The following CLSTN2 variants were observed in gnomAD, a reference collection of about 807,000 sequenced individuals.
CLSTN2 encodes calsyntenin 2.
CLSTN2 carries 48 observed loss-of-function variants against 101.2 expected under a neutral mutation model. The observed-to-expected ratio is 0.47, with a 90% CI of 0.38 to 0.60. The LOEUF (loss-of-function observed/expected upper bound fraction) is 0.60, where lower values mean the gene tolerates loss of function less well. Among genes scored for constraint, CLSTN2 ranks in the 20% least tolerant of loss-of-function variants. The probability of loss-of-function intolerance (pLI) is 0.00; values close to 1 mark genes in which losing one functional copy is unlikely to be tolerated. For missense variants in CLSTN2, 1,160 were observed against 1,238.2 expected (o/e 0.94, Z 0.95); for synonymous variants, 481 against 463.6 (o/e 1.04, Z -0.48).
intron 2 of CLSTN2, among the ~76,000 whole-genome samples, chr3:140,326,951 C>T (rs2087337251): frequency 6.6e-6 from 1 of 152,060 alleles, no homozygotes; most frequent in Non-Finnish European, 1.5e-5. Context: ...AAGATTAATA[C>T]CAACTGTTTG....
At chr3:140,226,015 G>C (rs2086316543) in intron 2 of CLSTN2, among the ~76,000 whole-genome samples, 1 of 152,064 alleles carries the variant, frequency 6.6e-6, no homozygotes. Context: ...AGCTTTCCTA[G>C]GGTGTGAAAA....
intron 1 of CLSTN2, among the ~76,000 whole-genome samples, chr3:140,026,441 G>GA (rs1272831610): frequency 6.6e-6 from 1 of 152,112 alleles, no homozygotes. Flanking sequence ...CAGGAAGCAG[G>GA]AAAAAAACTA....
chr3:139,977,708 G>T (rs2016895), intron 1 of CLSTN2, among the ~76,000 whole-genome samples: 2 of 148,078 alleles, frequency 1.4e-5, no homozygotes, highest in Non-Finnish European at 3.0e-5. Context: ...GCTGGGGAGG[G>T]GGTGGGGGGC....
intron 8 of CLSTN2, among the ~76,000 whole-genome samples, chr3:140,471,402 A>G (rs536892): frequency 0.095 from 14,524 of 152,218 alleles, 1,117 homozygotes; most frequent in East Asian, 0.32. Flanking sequence ...GACAGCCTCA[A>G]TTGACCAGCA....
At chr3:140,045,276 G>T (rs777003782) in intron 1 of CLSTN2, among the ~76,000 whole-genome samples, 2 of 152,234 alleles carry the variant, frequency 1.3e-5, no homozygotes, top group Middle Eastern at 3.4e-3. Context: ...TATGTGTCCA[G>T]GAATTTATCC....
At position 140,404,630 on chromosome 3, in the gene CLSTN2, T is replaced by C. The variant is rs888036462; in HGVS notation, c.501T>C (p.Ala167=). ...CCTTCAAAGAGCCAGCCTACAAGGC[T>C]GTTGTGACGGAGGGCAAGATCTATG... ...APTFKEPAYK[A]VVTEGKIYDS... The change falls in exon 4 of 17, where the codon GCT becomes GCC. Residue 167 remains alanine, a synonymous_variant. Coordinates refer to ENST00000458420, the MANE Select transcript of CLSTN2 (RefSeq NM_022131.3). 3 of 1,614,220 alleles carry C rather than the reference T, an allele frequency of 1.9e-6. No individual in the cohort carries two copies. Among genetic ancestry groups the C allele is most frequent in the Non-Finnish European group, 2.5e-6 (3 of 1,180,020 alleles).
chr3:139,993,624 A>C (rs996825440), intron 1 of CLSTN2, among the ~76,000 whole-genome samples: 3 of 152,212 alleles, frequency 2.0e-5, no homozygotes, highest in African/African-American at 7.2e-5. Flanking sequence ...CTGCCAAAAA[A>C]GAAACTCACA....
chr3:140,217,761 C>T (rs2010938241), intron 2 of CLSTN2, among the ~76,000 whole-genome samples: 1 of 152,188 alleles, frequency 6.6e-6, no homozygotes, highest in African/African-American at 2.4e-5. Flanking sequence ...ACATATTTGC[C>T]TTAGAAAACC....
intron 8 of CLSTN2, among the ~76,000 whole-genome samples, chr3:140,487,611 A>G (rs529785670): frequency 8.9e-4 from 135 of 152,288 alleles, no homozygotes; most frequent in Non-Finnish European, 1.4e-3. Flanking sequence ...GCAAGCAGTA[A>G]TTTCTTATGT....
At chr3:140,214,350 A>G (rs2010895733) in intron 2 of CLSTN2, among the ~76,000 whole-genome samples, 1 of 151,956 alleles carries the variant, frequency 6.6e-6, no homozygotes, top group African/African-American at 2.4e-5. Flanking sequence ...GCTACTCGGG[A>G]GGCTGGGGCA....
In CLSTN2 at chr3:139,997,556, T is replaced by G. The variant is rs546428318; in HGVS notation, c.109+62073T>G. 4.6e-5 allele frequency among the ~76,000 whole-genome samples: 7 copies of G among 152,178 alleles called. No individual in the cohort carries two copies. In the South Asian group the frequency reaches 1.2e-3, roughly 27 times the overall value. ...CTATTTTGGTTCATTGTTAATTTTT[T>G]CTAGTCCTGTTAGTAAGACAGAATG... On this transcript the variant is annotated intron_variant, in intron 1 of 16. Coordinates refer to ENST00000458420, the MANE Select transcript of CLSTN2 (RefSeq NM_022131.3).
intron 2 of CLSTN2, among the ~76,000 whole-genome samples, chr3:140,209,157 T>C (rs2010822500): frequency 6.6e-6 from 1 of 152,150 alleles, no homozygotes; most frequent in Non-Finnish European, 1.5e-5. Context: ...AGAATCAAAA[T>C]CTATGATGTA....
At chr3:140,081,580 A>G (rs749396769) in intron 1 of CLSTN2, among the ~76,000 whole-genome samples, 2 of 152,034 alleles carry the variant, frequency 1.3e-5, no homozygotes, top group Admixed American at 6.5e-5. Context: ...GGAGGGTCAC[A>G]CTGGTGTATC....
At position 140,333,313 on chromosome 3, in the gene CLSTN2, G is replaced by A. The variant is rs780670009; in HGVS notation, c.233-70316G>A. The stretch of plus-strand genomic sequence containing the variant: ...TATGCACTTCTTTTGCCAATAATTC[G>A]CCCTGTGACTTTTGGCCGGTCACAT... On this transcript the variant is annotated intron_variant, in intron 2 of 16. Transcript: ENST00000458420. Among the ~76,000 whole-genome samples, 8 of 152,146 alleles carry A rather than the reference G, an allele frequency of 5.3e-5. No homozygotes were observed. The South Asian group carries it at 6.2e-4, about 12-fold the overall frequency.
At chr3:140,478,371 A>G (rs1040231617) in intron 8 of CLSTN2, among the ~76,000 whole-genome samples, 5 of 152,134 alleles carry the variant, frequency 3.3e-5, no homozygotes, top group African/African-American at 1.2e-4. Flanking sequence ...TAACAGGTAA[A>G]TAGTCTGTAC....
chr3:140,165,378 G>T (rs2107822257), intron 1 of CLSTN2, among the ~76,000 whole-genome samples: 1 of 152,306 alleles, frequency 6.6e-6, no homozygotes, highest in African/African-American at 2.4e-5. Flanking sequence ...CTCACTATAT[G>T]CTGGGCACTG....
rs60708994 is a variant in CLSTN2, at chr3:140,137,648, AG to A, written c.110-38302del. On this transcript the variant is annotated intron_variant, in intron 1 of 16. Coordinates refer to ENST00000458420, the MANE Select transcript of CLSTN2 (RefSeq NM_022131.3). The stretch of plus-strand genomic sequence containing the variant: ...GGCATTGCATACTTACAAATCACAA[AG>A]AAACGCAATAATAGTAACTGTTCTT... Among the ~76,000 whole-genome samples, 124 of 152,356 alleles carry A rather than the reference AG, an allele frequency of 8.1e-4. 2 individuals carry two copies. The East Asian group carries it at 0.022, about 27-fold the overall frequency.
At chr3:140,161,802 T>A (rs1248664157) in intron 1 of CLSTN2, among the ~76,000 whole-genome samples, 1 of 152,214 alleles carries the variant, frequency 6.6e-6, no homozygotes, top group Non-Finnish European at 1.5e-5. Flanking sequence ...ATACTAAACT[T>A]TTGGTTTCTT....
intron 8 of CLSTN2, among the ~76,000 whole-genome samples, chr3:140,504,337 T>A (rs571456892): frequency 1.5e-5 from 2 of 137,304 alleles, no homozygotes; most frequent in East Asian, 3.9e-4. Context: ...TAATATTATA[T>A]ACGATTCAAG....
Sources: allele counts gnomAD v4.1 joint callset (sites outside exome capture counted in the v4.1 genomes callset), GRCh38; gene constraint gnomAD v4.1.1; transcripts MANE v1.5; gene names NCBI Gene and HGNC (gene_info 2026-07-23, HGNC 2026-07-21).